The following IBTK variants were observed in gnomAD, a reference collection of about 807,000 sequenced individuals.
IBTK encodes inhibitor of Bruton tyrosine kinase.
IBTK carries 83 observed loss-of-function variants against 154.9 expected under a neutral mutation model. The observed-to-expected ratio is 0.54, with a 90% CI of 0.45 to 0.64. IBTK has a LOEUF of 0.64. IBTK is among the 30% of genes least tolerant of loss of function. The pLI, the probability that IBTK is intolerant of heterozygous loss-of-function variation, is 0.00. For missense variants in IBTK, 1,332 were observed against 1,584.6 expected, an observed-to-expected ratio of 0.84 and a Z score of 2.71; for synonymous variants, 515 against 536.1, an observed-to-expected ratio of 0.96 and a Z score of 0.54.
At chr6:82,185,726 T>C (rs1377421085) in intron 25 of IBTK, among the ~76,000 whole-genome samples, 9 of 152,030 alleles carry the variant, frequency 5.9e-5, no homozygotes, top group Admixed American at 5.9e-4. Context: ...AAAAATTATA[T>C]CATATTATAT....
chr6:82,173,008 T>A (rs1767984389), intron 27 of IBTK: 8 of 155,566 alleles, frequency 5.1e-5, no homozygotes, highest in Non-Finnish European at 9.5e-5. Context: ...CTCTTTTTTT[T>A]TTTTTTTTTT....
At chr6:82,220,092 C>G (rs1290661770) in intron 9 of IBTK, among the ~76,000 whole-genome samples, 5 of 152,066 alleles carry the variant, frequency 3.3e-5, no homozygotes, top group Non-Finnish European at 2.9e-5. Context: ...TGCTTGTAAT[C>G]CCTGCTACTC....
chr6:82,198,755 G>A lies in IBTK; in HGVS notation c.3025+1386C>T, dbSNP rs370540515. Among the ~76,000 whole-genome samples the A allele has an allele frequency of 3.3e-5, 5 of 152,136 alleles. No homozygotes were observed. The East Asian group carries it at 9.7e-4, about 29-fold the overall frequency. On this transcript the variant is annotated intron_variant, in intron 21 of 28. Coordinates refer to ENST00000306270, the MANE Select transcript of IBTK (RefSeq NM_015525.4). ...ACCTACCATTTCTGAAAGCCATACT[G>A]TAGTCTCATTATTTTATAGTCACAA...
At position 82,182,089 on chromosome 6, in the gene IBTK, G is replaced by C. The variant is rs112189610; in HGVS notation, c.3576-61C>G. On this transcript the variant is annotated intron_variant, in intron 25 of 28. Transcript: ENST00000306270. ...ATTTTGTAAAAGGGCATTGCTGGAA[G>C]TTATAAGAGAACAATAAGAACGTAT... 4.5e-4 allele frequency: 674 copies of C among 1,504,104 alleles called. 2 individuals are homozygous for C. The African/African-American group carries it at 8.5e-3, about 19-fold the overall frequency. The allele number at this position is 1,504,104 out of a possible 1,614,324, so 93.2% of individuals were successfully genotyped here.
chr6:82,180,453 A>AT (rs1429307247), intron 26 of IBTK, among the ~76,000 whole-genome samples: 7 of 152,068 alleles, frequency 4.6e-5, no homozygotes, highest in Non-Finnish European at 1.0e-4. Flanking sequence ...GGGTTTCATC[A>AT]TGTTGCCAGG....
In IBTK at chr6:82,227,291, A is replaced by G. The variant is rs1304865264; in HGVS notation, c.555T>C (p.Cys185=). 1 of 1,599,120 alleles carries G rather than the reference A, an allele frequency of 6.3e-7. No individual in the cohort carries two copies. Among genetic ancestry groups the G allele is most frequent in the Non-Finnish European group, 8.5e-7 (1 of 1,170,982 alleles). Residue 185 remains cysteine, a synonymous_variant, in exon 5 of 29, where the codon TGT becomes TGC. Coordinates refer to ENST00000306270, the MANE Select transcript of IBTK (RefSeq NM_015525.4). ...SGIYIKQVVL[C]KFHSVFLSQK... ...GAGACAGAAACACGGAGTGAAATTT[A>G]CAAAGCACCACCTAAGGGAAAACAA...
intron 27 of IBTK, chr6:82,172,724 T>C: frequency 4.1e-6 from 2 of 481,966 alleles, no homozygotes; most frequent in South Asian, 7.0e-5. Flanking sequence ...TCTTTAGCAA[T>C]GCTACAATTT....
At chr6:82,190,992 G>T in intron 25 of IBTK, 81 bp downstream of exon 25, 1 of 966,388 alleles carries the variant, frequency 1.0e-6, no homozygotes, top group Non-Finnish European at 1.4e-6. Context: ...CACTGGAAGT[G>T]GGAAGGAACT....
intron 19 of IBTK, 146 bp from the exon 20 acceptor site, chr6:82,200,854 G>T: frequency 1.2e-6 from 1 of 834,024 alleles, no homozygotes; most frequent in Non-Finnish European, 1.7e-6. Flanking sequence ...TCCCATCTTG[G>T]CCTCCCAAAA....
intron 2 of IBTK, among the ~76,000 whole-genome samples, chr6:82,236,372 C>T (rs1441572547): frequency 6.6e-6 from 1 of 152,164 alleles, no homozygotes; most frequent in Admixed American, 6.5e-5. Context: ...ATCCATATAA[C>T]CTATGATTCT....
At position 82,194,466 on chromosome 6, in the gene IBTK, A is replaced by AT; in HGVS notation, c.3338+12dup. On this transcript the variant is annotated intron_variant, in intron 23 of 28. Transcript: ENST00000306270. ...CTCAAACTAACAGTTATAGAATAAA[A>AT]TAAAAATCCTACCTGAAAGAACCAG... is the stretch of plus-strand genomic sequence containing the variant. 1 of 1,525,654 alleles carries AT rather than the reference A, an allele frequency of 6.6e-7. No homozygotes were observed. The highest frequency in any genetic ancestry group is 2.1e-5 in the Admixed American group (1 of 47,934). The allele number at this position is 1,525,654 out of a possible 1,614,324, so 94.5% of individuals were successfully genotyped here.
chr6:82,240,921 C>T (rs924491545), intron 1 of IBTK, 78 bp from the exon 2 acceptor site: 3 of 400,478 alleles, frequency 7.5e-6, no homozygotes, highest in Non-Finnish European at 1.3e-5. Context: ...AACACAACTA[C>T]CTCCATATTT....
intron 19 of IBTK, among the ~76,000 whole-genome samples, 156 bp downstream of exon 19, chr6:82,201,265 AT>A (rs1252627623): frequency 6.6e-6 from 1 of 152,144 alleles, no homozygotes; most frequent in African/African-American, 2.4e-5. Flanking sequence ...TATCATATGT[AT>A]CTGTGAGATC....
chr6:82,246,654 T>C (rs1220742616), intron 1 of IBTK, among the ~76,000 whole-genome samples: 1 of 152,098 alleles, frequency 6.6e-6, no homozygotes, highest in Non-Finnish European at 1.5e-5. Context: ...CTGCAAATAT[T>C]TGCAAATGTA....
intron 6 of IBTK, among the ~76,000 whole-genome samples, chr6:82,224,557 T>G (rs1582240538): frequency 6.6e-6 from 1 of 152,368 alleles, no homozygotes; most frequent in South Asian, 2.1e-4. Flanking sequence ...GGTCTCTCAA[T>G]AGTGGCATTA....
chr6:82,233,089 G>A (rs543028816), intron 3 of IBTK, among the ~76,000 whole-genome samples: 4 of 151,880 alleles, frequency 2.6e-5, no homozygotes, highest in East Asian at 1.9e-4. Flanking sequence ...CCCGGGAGGC[G>A]GAGGTTGCGG....
In IBTK at chr6:82,172,462, G is replaced by A; in HGVS notation, c.3848C>T (p.Thr1283Ile). ...TTCTTCTTCTACAATAGATGCAAAA[G>A]TGACTGGGGCTACCATGGATGGAGC... ...VTAPSMVAPVTFASIVEEELQ... is the reference protein window; with the variant it reads ...VTAPSMVAPVIFASIVEEELQ... The change falls in exon 28 of 29, where the codon ACT (threonine) becomes ATT (isoleucine). Residue 1283 changes from threonine to isoleucine, a missense_variant. Physicochemically the swap from Thr to Ile is moderately conservative, Grantham distance 89. Around this residue, in one of 3 missense-constraint regions of IBTK, gnomAD observed 1,134 missense variants for 1,274.7 expected, o/e 0.89. Transcript: ENST00000306270. The A allele has an allele frequency of 1.9e-6, 3 of 1,613,900 alleles. No homozygotes were observed. The highest frequency in any genetic ancestry group is 2.5e-6 in the Non-Finnish European group (3 of 1,179,818).
rs202175592 is a variant in IBTK, at chr6:82,241,039, A to C, written c.-357-196T>G. Among the ~76,000 whole-genome samples, 13 of 152,268 alleles carry C rather than the reference A, an allele frequency of 8.5e-5. No individual in the cohort carries two copies. The East Asian group carries it at 1.2e-3, about 14-fold the overall frequency. On this transcript the variant is annotated intron_variant, in intron 1 of 28. Transcript: ENST00000306270. ...GGTCATCGCCAAGATCTGATTTTTCACAAAAAACATTTGCAACCTCTGGCA... is the reference window on the plus strand; with the variant it reads ...GGTCATCGCCAAGATCTGATTTTTCCCAAAAAACATTTGCAACCTCTGGCA...
At chr6:82,227,422 T>C (rs902092342) in intron 4 of IBTK, 120 bp from the exon 5 acceptor site, 1 of 485,010 alleles carries the variant, frequency 2.1e-6, no homozygotes, top group Admixed American at 4.1e-5. Flanking sequence ...GGGGAATTTA[T>C]AAGACTTTAA....
Sources: gnomAD v4.1 joint callset for allele counts (sites outside exome capture counted in the v4.1 genomes callset) on GRCh38, gnomAD v4.1.1 for gene constraint, gnomAD v4.1.1 regional missense constraint, MANE v1.5 for transcripts, NCBI Gene and HGNC (gene_info 2026-07-23, HGNC 2026-07-21) for gene names.